Variants in PRKCE observed in about 807,000 individuals in gnomAD.
The protein encoded by PRKCE is protein kinase C epsilon type.
A neutral mutation model predicts 85.4 loss-of-function variants in PRKCE; 16 were observed. The ratio of observed to expected loss-of-function variants is 0.19; its 90% CI spans 0.13 to 0.28. The LOEUF (loss-of-function observed/expected upper bound fraction) is 0.28, where lower values mean the gene tolerates loss of function less well. PRKCE is among the 10% of genes least tolerant of loss of function. PRKCE has a pLI of 1.00. For missense variants in PRKCE, 573 were observed against 975.2 expected, an observed-to-expected ratio of 0.59 and a Z score of 5.49; for synonymous variants, 388 against 371.5, an observed-to-expected ratio of 1.04 and a Z score of -0.51.
rs201000916 is a variant in PRKCE at position 45,984,505 on chromosome 2, G to A, written c.694-46G>A. The A allele has an allele frequency of 3.8e-6, 6 of 1,588,926 alleles. No homozygotes were observed. In the Admixed American group the frequency reaches 6.7e-5, roughly 18 times the overall value. On this transcript the variant is annotated intron_variant, in intron 5 of 14. Coordinates refer to ENST00000306156, the MANE Select transcript of PRKCE (RefSeq NM_005400.3). The stretch of plus-strand genomic sequence containing the variant: ...GAGTTCCGTTGACAAGTCTTCTGGG[G>A]AACTGAGGAGCTCGGTGGTGAACCT...
At chr2:46,083,540 GC>G (rs56274630) in intron 10 of PRKCE, among the ~76,000 whole-genome samples, 18,197 of 152,136 alleles carry the variant, frequency 0.12, 1,474 homozygotes, top group East Asian at 0.41. Context: ...TGTGGAATGG[GC>G]ACTTCAGTGG....
chr2:45,842,083 G>T (rs1288529496), intron 1 of PRKCE, among the ~76,000 whole-genome samples: 2 of 152,192 alleles, frequency 1.3e-5, no homozygotes, highest in Non-Finnish European at 2.9e-5. Flanking sequence ...CTTATAGAGA[G>T]AACACAGTTT....
In PRKCE at chr2:45,907,526, G is replaced by A. The variant is rs955719564; in HGVS notation, c.412+64463G>A. 1.3e-5 allele frequency among the ~76,000 whole-genome samples: 2 copies of A among 152,220 alleles called. No homozygotes were observed. Among genetic ancestry groups the A allele is most frequent in the Non-Finnish European group, 2.9e-5 (2 of 68,046 alleles). On this transcript the variant is annotated intron_variant, in intron 2 of 14. Coordinates refer to ENST00000306156, the MANE Select transcript of PRKCE (RefSeq NM_005400.3). This position sits in a 1 kb window ranked among gnomAD's most constrained non-coding sequence, Gnocchi z 4.5. ...TTCTGAGGGCGTCATCGCAGGCCCTGTTCATCTCTCCGGGCAGTGGCATAG... is the reference window on the plus strand; with the variant it reads ...TTCTGAGGGCGTCATCGCAGGCCCTATTCATCTCTCCGGGCAGTGGCATAG...
chr2:45,843,361 G>A (rs1168580655), intron 2 of PRKCE, among the ~76,000 whole-genome samples: 1 of 152,220 alleles, frequency 6.6e-6, no homozygotes. Context: ...TCTCCCAGGA[G>A]GCTTGCGTGG....
chr2:46,170,612 T>C (rs549926679), intron 14 of PRKCE, among the ~76,000 whole-genome samples: 3 of 152,352 alleles, frequency 2.0e-5, no homozygotes, highest in Admixed American at 1.3e-4. Context: ...TACAGTGTTT[T>C]TTTCAGCTCT....
Position 45,727,264 on chromosome 2 carries a change from A to G in PRKCE, c.348+74816A>G, listed in dbSNP as rs570685387. ...TATTTATTTAGCATAAACCAAATAC[A>G]TGGTGATAAGGGAGATACAGTAAGA... is the stretch of plus-strand genomic sequence containing the variant. On this transcript the variant is annotated intron_variant, in intron 1 of 14. Transcript: ENST00000306156. 8.5e-5 allele frequency among the ~76,000 whole-genome samples: 13 copies of G among 152,314 alleles called. No individual in the cohort carries two copies. In the East Asian group the frequency reaches 2.5e-3, roughly 29 times the overall value.
intron 6 of PRKCE, among the ~76,000 whole-genome samples, chr2:45,988,450 G>A (rs1470934659): frequency 6.6e-6 from 1 of 152,082 alleles, no homozygotes; most frequent in Non-Finnish European, 1.5e-5. Flanking sequence ...CTGCTTTTAT[G>A]ACAAGGAAAT....
At position 45,908,455 on chromosome 2, in the gene PRKCE, T is replaced by C. The variant is rs1053082345; in HGVS notation, c.412+65392T>C. Among the ~76,000 whole-genome samples the C allele has an allele frequency of 2.6e-5, 4 of 152,164 alleles. No homozygotes were observed. The East Asian group carries it at 5.8e-4, about 22-fold the overall frequency. On this transcript the variant is annotated intron_variant, in intron 2 of 14. Coordinates refer to ENST00000306156, the MANE Select transcript of PRKCE (RefSeq NM_005400.3). The stretch of plus-strand genomic sequence containing the variant: ...CGACTGCTCCACTCTCTCTCGCCCA[T>C]TGGACAAAGGATTAGCCAATGGGAA...
chr2:45,742,769 C>T (rs1682686006), intron 1 of PRKCE, among the ~76,000 whole-genome samples: 1 of 152,110 alleles, frequency 6.6e-6, no homozygotes, highest in South Asian at 2.1e-4. Flanking sequence ...CCTTATGATC[C>T]AGCAATCGCA....
intron 1 of PRKCE, among the ~76,000 whole-genome samples, chr2:45,821,451 G>A (rs767668013): frequency 6.6e-6 from 1 of 152,130 alleles, no homozygotes; most frequent in Non-Finnish European, 1.5e-5. Flanking sequence ...GCTACCTGTG[G>A]AACCTACCTG....
At chr2:46,141,156 C>T (rs113584161) in intron 11 of PRKCE, among the ~76,000 whole-genome samples, 1 of 128,924 alleles carries the variant, frequency 7.8e-6, no homozygotes, top group Non-Finnish European at 1.5e-5. Context: ...GTATAGTTAC[C>T]CTCACATATG....
In PRKCE at chr2:45,820,156, C is replaced by G. The variant is rs141889611; in HGVS notation, c.349-22844C>G. 3.1e-3 allele frequency among the ~76,000 whole-genome samples: 475 copies of G among 152,286 alleles called. 6 individuals carry two copies. The highest frequency in any genetic ancestry group is 0.011 in the African/African-American group (447 of 41,546). On this transcript the variant is annotated intron_variant, in intron 1 of 14. Transcript: ENST00000306156. Reference sequence around the variant, plus strand: ...TAATGGAAACATCACGGCGCATCAGCTTTTCTTGGTGTTACATCATTCAAC... The same window carrying G: ...TAATGGAAACATCACGGCGCATCAGGTTTTCTTGGTGTTACATCATTCAAC...
In PRKCE at chr2:46,184,629, A is replaced by T; in HGVS notation, c.2068-106A>T. ...GTGTCTGCTGTCTGTTGGTAGCTAG[A>T]GGCCTGCTTTGGTGACAGGCTGGTC... On this transcript the variant is annotated intron_variant, in intron 14 of 14. Coordinates refer to ENST00000306156, the MANE Select transcript of PRKCE (RefSeq NM_005400.3). This position sits in a 1 kb window ranked among gnomAD's most constrained non-coding sequence, Gnocchi z 5.0. 7.2e-7 allele frequency: 1 copy of T among 1,395,728 alleles called. No homozygotes were observed. The highest frequency in any genetic ancestry group is 1.4e-5 in the South Asian group (1 of 73,926). 86.5% of individuals were successfully genotyped at this position (1,395,728 alleles called of 1,614,324 possible). A position where few individuals can be genotyped will look rare whatever the true frequency, so the allele number is the denominator to read the frequency against.
rs192238763 is a variant in PRKCE, at chr2:45,665,149, G to A, written c.348+12701G>A. 2.8e-3 allele frequency among the ~76,000 whole-genome samples: 421 copies of A among 152,248 alleles called. 2 individuals carry two copies. The highest frequency in any genetic ancestry group is 7.5e-3 in the African/African-American group (311 of 41,542). On this transcript the variant is annotated intron_variant, in intron 1 of 14. Coordinates refer to ENST00000306156, the MANE Select transcript of PRKCE (RefSeq NM_005400.3). ...GTTAAGAGCCTTGATCTTTAAGCTCGGATTTCATTTTACATAATTTACATT... is the reference window on the plus strand; with the variant it reads ...GTTAAGAGCCTTGATCTTTAAGCTCAGATTTCATTTTACATAATTTACATT...
intron 2 of PRKCE, among the ~76,000 whole-genome samples, chr2:45,890,524 C>T (rs987511998): frequency 2.0e-5 from 3 of 151,980 alleles, no homozygotes; most frequent in Non-Finnish European, 4.4e-5. Context: ...GTATTACAGG[C>T]GCCCACCACC....
At chr2:46,042,466 C>T (rs926400426) in intron 10 of PRKCE, among the ~76,000 whole-genome samples, 1 of 152,156 alleles carries the variant, frequency 6.6e-6, no homozygotes, top group African/African-American at 2.4e-5. Flanking sequence ...GATTCTGTTC[C>T]GAATTTCAAT....
chr2:45,889,704 CAGA>C lies in PRKCE; in HGVS notation c.412+46644_412+46646del, dbSNP rs568353075. On this transcript the variant is annotated intron_variant, in intron 2 of 14. Transcript: ENST00000306156. ...ATGGGAAATGGCAGCTGCAGAATTA[CAGA>C]AGTTGTATCTGCAGAATTATGAGCG... Among the ~76,000 whole-genome samples, 50 of 152,336 alleles carry C rather than the reference CAGA, an allele frequency of 3.3e-4. No individual in the cohort carries two copies. In the South Asian group the frequency reaches 0.01, roughly 31 times the overall value.
intron 2 of PRKCE, among the ~76,000 whole-genome samples, chr2:45,930,933 A>G (rs970348795): frequency 1.1e-4 from 17 of 152,168 alleles, no homozygotes; most frequent in Admixed American, 2.0e-4. Flanking sequence ...GGTTTAGGAG[A>G]AGGCAACTTA....
intron 1 of PRKCE, among the ~76,000 whole-genome samples, chr2:45,789,062 C>T (rs1686837348): frequency 6.6e-6 from 1 of 152,098 alleles, no homozygotes; most frequent in African/African-American, 2.4e-5. Flanking sequence ...CACTTAGACC[C>T]TCGCAAAACC....
Sources: allele counts gnomAD v4.1 joint callset (sites outside exome capture counted in the v4.1 genomes callset), GRCh38; gene constraint gnomAD v4.1.1; non-coding constraint Gnocchi (gnomAD v3.1); transcripts MANE v1.5; gene names NCBI Gene and HGNC (gene_info 2026-07-23, HGNC 2026-07-21).